Variants in GATA4 observed in about 807,000 individuals in gnomAD.
GATA4 encodes transcription factor GATA-4.
A neutral mutation model predicts 37.9 loss-of-function variants in GATA4; 7 were observed. The ratio of observed to expected loss-of-function variants is 0.18; its 90% CI spans 0.11 to 0.35. The LOEUF (loss-of-function observed/expected upper bound fraction) is 0.35. Among genes scored for constraint, GATA4 ranks in the 10% least tolerant of loss-of-function variants. The pLI is 1.00. For missense variants in GATA4, 647 were observed against 653.0 expected, an observed-to-expected ratio of 0.99 and a Z score of 0.10; for synonymous variants, 372 against 292.6, an observed-to-expected ratio of 1.27 and a Z score of -2.77.
chr8:11,692,551 A>T (rs1025332099), upstream of GATA4: 73 of 985,252 alleles, frequency 7.4e-5, no homozygotes, highest in Non-Finnish European at 8.2e-5. Flanking sequence ...ATTGAATCTG[A>T]TCCTTCGGGC....
At chr8:11,723,899 C>G (rs766549602) in intron 2 of GATA4, among the ~76,000 whole-genome samples, 25 of 152,142 alleles carry the variant, frequency 1.6e-4, no homozygotes, top group Admixed American at 2.0e-4. Flanking sequence ...ATTGTACAAC[C>G]ATCACCCCCA....
intron 2 of GATA4, among the ~76,000 whole-genome samples, chr8:11,710,936 C>A (rs1800155073): frequency 6.6e-6 from 1 of 151,806 alleles, no homozygotes; most frequent in African/African-American, 2.4e-5. Flanking sequence ...CATGGTGAAA[C>A]CCCATCTCTA....
At chr8:11,753,811 G>T (rs1199380452) in intron 4 of GATA4, among the ~76,000 whole-genome samples, 1 of 152,198 alleles carries the variant, frequency 6.6e-6, no homozygotes, top group Admixed American at 6.5e-5. Flanking sequence ...TTTTCTTTCT[G>T]TATTTGCAGG....
At chr8:11,757,536 A>C (rs1465128535) in intron 6 of GATA4, among the ~76,000 whole-genome samples, 2 of 152,172 alleles carry the variant, frequency 1.3e-5, no homozygotes, top group East Asian at 3.9e-4. Context: ...TCTGCCTCCT[A>C]CGTGCAGGGA....
In GATA4 at chr8:11,708,094, G is replaced by A; in HGVS notation, c.-219G>A. ...CGGAACCACCAAAAATTCAAATTGG[G>A]ATTTTCCGGAGTAAACAAGAGCCTA... On this transcript the variant is annotated 5_prime_UTR_variant, in exon 2 of 7. Coordinates refer to ENST00000532059, the MANE Select transcript of GATA4 (RefSeq NM_001308093.3). This position sits in a 1 kb window ranked among gnomAD's most constrained non-coding sequence, Gnocchi z 6.7. 1.6e-6 allele frequency: 1 copy of A among 643,440 alleles called. No individual in the cohort carries two copies. Among genetic ancestry groups the A allele is most frequent in the Non-Finnish European group, 2.8e-6 (1 of 360,828 alleles). The allele number at this position is 643,440 out of a possible 1,614,324, so 39.9% of individuals were successfully genotyped here.
At chr8:11,718,198 A>G (rs1286630598) in intron 2 of GATA4, among the ~76,000 whole-genome samples, 1 of 152,250 alleles carries the variant, frequency 6.6e-6, no homozygotes, top group African/African-American at 2.4e-5. Context: ...GCCCCGTGGA[A>G]TTGGTCTGAA....
Position 11,725,597 on chromosome 8 carries a change from G to C in GATA4, c.616+16669G>C, listed in dbSNP as rs181127356. On this transcript the variant is annotated intron_variant, in intron 2 of 6. Coordinates refer to ENST00000532059, the MANE Select transcript of GATA4 (RefSeq NM_001308093.3). Reference sequence around the variant, plus strand: ...GGTTTTACTGCGCAGGCTGGGGTGAGTCTTGGTCTTAGTGGGGATGGCCAA... The same window carrying C: ...GGTTTTACTGCGCAGGCTGGGGTGACTCTTGGTCTTAGTGGGGATGGCCAA... Among the ~76,000 whole-genome samples the C allele has an allele frequency of 1.9e-3, 292 of 152,322 alleles. 2 individuals are homozygous for C. Among genetic ancestry groups the C allele is most frequent in the African/African-American group, 6.5e-3 (270 of 41,578 alleles).
At chr8:11,694,756 T>C (rs1019096951) in intron 1 of GATA4, among the ~76,000 whole-genome samples, 1 of 152,222 alleles carries the variant, frequency 6.6e-6, no homozygotes, top group African/African-American at 2.4e-5. Context: ...CATCCATTTT[T>C]CTTCCATGAT....
chr8:11,734,377 C>T (rs1216278493), intron 2 of GATA4, among the ~76,000 whole-genome samples: 3 of 152,216 alleles, frequency 2.0e-5, no homozygotes, highest in Non-Finnish European at 2.9e-5. Context: ...CCCAAGATCA[C>T]GGCACTGGCA....
rs1170257242 is a variant in GATA4, at chr8:11,749,992, G to T, written c.787-119G>T. On this transcript the variant is annotated intron_variant, in intron 3 of 6. Transcript: ENST00000532059. The surrounding 1 kb of genome is among the most constrained non-coding windows in gnomAD (Gnocchi z 4.6). ...TCACAGGTCAGAGATCTCATGCAGG[G>T]TCGTTAGGGCCCAGCCCTGCCTCCC... 4 of 1,391,626 alleles carry T rather than the reference G, an allele frequency of 2.9e-6. No homozygotes were observed. The highest frequency in any genetic ancestry group is 4.0e-6 in the Non-Finnish European group (4 of 996,236). The allele number at this position is 1,391,626 out of a possible 1,614,324, so 86.2% of individuals were successfully genotyped here.
chr8:11,723,091 A>G (rs1478624619), intron 2 of GATA4, among the ~76,000 whole-genome samples: 2 of 152,194 alleles, frequency 1.3e-5, no homozygotes, highest in African/African-American at 4.8e-5. Context: ...TCATGCTTGT[A>G]ATCCCAGCAC....
In GATA4 at chr8:11,709,032, G is replaced by A; in HGVS notation, c.616+104G>A. On this transcript the variant is annotated intron_variant, in intron 2 of 6. Transcript: ENST00000532059. The surrounding 1 kb of genome is among the most constrained non-coding windows in gnomAD (Gnocchi z 4.3). ...TTTCCACCAACGCCTTCGTTGGGCT[G>A]GGGATGGTGCTTCACTACCTCGAGT... is the stretch of plus-strand genomic sequence containing the variant. 1 of 1,206,050 alleles carries A rather than the reference G, an allele frequency of 8.3e-7. No individual in the cohort carries two copies. Among genetic ancestry groups the A allele is most frequent in the Admixed American group, 3.1e-5 (1 of 32,736 alleles). 74.7% of individuals were successfully genotyped at this position (1,206,050 alleles called of 1,614,324 possible). A position where few individuals can be genotyped will look rare whatever the true frequency, so the allele number is the denominator to read the frequency against.
intron 1 of GATA4, among the ~76,000 whole-genome samples, chr8:11,687,096 T>A (rs1799160596): frequency 6.6e-6 from 1 of 152,058 alleles, no homozygotes; most frequent in African/African-American, 2.4e-5. Context: ...GTGTTCTTGA[T>A]GTGCAGAGGA....
At chr8:11,696,257 T>G (rs1247171014) in intron 1 of GATA4, among the ~76,000 whole-genome samples, 2 of 152,118 alleles carry the variant, frequency 1.3e-5, no homozygotes, top group African/African-American at 2.4e-5. Context: ...CCAAATTTCT[T>G]CCTCCCCCTC....
At chr8:11,710,340 C>G (rs982398132) in intron 2 of GATA4, among the ~76,000 whole-genome samples, 2 of 152,100 alleles carry the variant, frequency 1.3e-5, no homozygotes, top group Non-Finnish European at 2.9e-5. Flanking sequence ...GATAGCGCGG[C>G]GACATGGCCA....
intron 1 of GATA4, chr8:11,694,315 A>G (rs749026240): frequency 9.9e-5 from 16 of 160,968 alleles, no homozygotes; most frequent in Non-Finnish European, 1.6e-4. Flanking sequence ...CAGGTGTCCA[A>G]TCTCATTTCA....
chr8:11,686,922 C>T (rs1392589379), intron 1 of GATA4, among the ~76,000 whole-genome samples: 2 of 151,346 alleles, frequency 1.3e-5, no homozygotes, highest in Non-Finnish European at 2.9e-5. Context: ...CACTTGAACC[C>T]GGGAGGCGGA....
chr8:11,732,659 C>T (rs4613960), intron 2 of GATA4, among the ~76,000 whole-genome samples: 98,253 of 152,002 alleles, frequency 0.65, 32,131 homozygotes, highest in East Asian at 0.85. Context: ...GAAGAGGAGC[C>T]GACGGAATTT....
chr8:11,700,326 T>A (rs1799631175), upstream of GATA4, among the ~76,000 whole-genome samples: 1 of 152,244 alleles, frequency 6.6e-6, no homozygotes, highest in Non-Finnish European at 1.5e-5. Flanking sequence ...TAACAAGGAT[T>A]GCTCCTTCCT....
Sources: gnomAD v4.1 joint callset for allele counts (sites outside exome capture counted in the v4.1 genomes callset) on GRCh38, gnomAD v4.1.1 for gene constraint, Gnocchi (gnomAD v3.1) non-coding constraint, MANE v1.5 for transcripts, NCBI Gene and HGNC (gene_info 2026-07-23, HGNC 2026-07-21) for gene names.